PCYT1A: variants seen among roughly 807,000 people sequenced by gnomAD.
PCYT1A encodes the protein choline-phosphate cytidylyltransferase A.
PCYT1A carries 25 observed loss-of-function variants against 43.7 expected under a neutral mutation model. The ratio of observed to expected loss-of-function variants is 0.57; its 90% CI spans 0.42 to 0.80. The LOEUF (loss-of-function observed/expected upper bound fraction) is 0.80. Among genes scored for constraint, PCYT1A ranks in the 30% least tolerant of loss-of-function variants. The pLI is 0.00. For missense variants in PCYT1A, 421 were observed against 474.2 expected (o/e 0.89, Z 1.04); for synonymous variants, 172 against 170.7 (o/e 1.01, Z -0.06).
At position 196,241,158 on chromosome 3, in the gene PCYT1A, A is replaced by AC. The variant is rs1375573243; in HGVS notation, c.708+789_708+790insG. Among the ~76,000 whole-genome samples, 358 of 119,152 alleles carry AC rather than the reference A, an allele frequency of 3.0e-3. 16 individuals carry two copies. Among genetic ancestry groups the AC allele is most frequent in the African/African-American group, 0.011 (341 of 32,364 alleles). The allele number at this position is 119,152 out of a possible 152,430, so 78.2% of individuals were successfully genotyped here. A position where few individuals can be genotyped will look rare whatever the true frequency, so the allele number is the denominator to read the frequency against. Reference sequence around the variant, plus strand: ...AAAAAAAAAAAAAAAAAAAAAAAAAAAAAAATTAGCCAGGCCTGGTGGCAC... The same window carrying AC: ...AAAAAAAAAAAAAAAAAAAAAAAAAACAAAAATTAGCCAGGCCTGGTGGCAC... On this transcript the variant is annotated intron_variant, in intron 7 of 8. Transcript: ENST00000431016.
intron 2 of PCYT1A, among the ~76,000 whole-genome samples, chr3:196,266,951 A>G (rs1001895241): frequency 6.6e-6 from 1 of 151,952 alleles, no homozygotes; most frequent in Non-Finnish European, 1.5e-5. Context: ...CGGGCGGATT[A>G]CCTGAGGTCA....
chr3:196,279,881 C>A, intron 1 of PCYT1A, among the ~76,000 whole-genome samples: 1 of 125,830 alleles, frequency 7.9e-6, no homozygotes, highest in African/African-American at 3.1e-5. Context: ...GTTGCCCAGG[C>A]TGGAGTACAA....
chr3:196,270,577 T>C (rs754797891), intron 1 of PCYT1A, 36 bp from the exon 2 acceptor site: 1 of 1,393,252 alleles, frequency 7.2e-7, no homozygotes, highest in Non-Finnish European at 1.0e-6. Flanking sequence ...ATTTTCTCAT[T>C]GGGGTGGGAA....
intron 5 of PCYT1A, chr3:196,243,099 G>A (rs1011488247): frequency 4.9e-5 from 8 of 163,964 alleles, no homozygotes; most frequent in Middle Eastern, 3.1e-3. Flanking sequence ...AGGCCAAGGC[G>A]GGCAGATCAC....
rs546706631 is a variant in PCYT1A at position 196,252,065 on chromosome 3, CGCCCCGCT to C, written c.218-3750_218-3743del. ...GCTGGGACTACAGCGCACACCACCA[CGCCCCGCT>C]GACTACAGCGCACCCCGCCACGCCC... On this transcript the variant is annotated intron_variant, in intron 3 of 8. Coordinates refer to ENST00000431016, the MANE Select transcript of PCYT1A (RefSeq NM_001312673.2). This position sits in a 1 kb window ranked among gnomAD's most constrained non-coding sequence, Gnocchi z 4.0. Among the ~76,000 whole-genome samples the C allele has an allele frequency of 4.3e-3, 652 of 151,528 alleles. 14 individuals are homozygous for C. The South Asian group carries it at 0.069, about 16-fold the overall frequency.
At chr3:196,265,208 C>T (rs566352631) in intron 2 of PCYT1A, among the ~76,000 whole-genome samples, 13 of 151,972 alleles carry the variant, frequency 8.6e-5, no homozygotes, top group Admixed American at 4.6e-4. Flanking sequence ...GGATTACAGG[C>T]GCACATCACC....
At position 196,271,365 on chromosome 3, in the gene PCYT1A, CAG is replaced by C. The variant is rs1725426445; in HGVS notation, c.-10-826_-10-825del. ...CTATAGATTTCAGTGACCACTTCAC[CAG>C]AGTTACTTGCATGAAAATTGTGGAG... On this transcript the variant is annotated intron_variant, in intron 1 of 8. Coordinates refer to ENST00000431016, the MANE Select transcript of PCYT1A (RefSeq NM_001312673.2). Among the ~76,000 whole-genome samples the C allele has an allele frequency of 6.6e-5, 10 of 152,286 alleles. No homozygotes were observed. In the South Asian group the frequency reaches 1.9e-3, roughly 28 times the overall value.
rs776718756 is a variant in PCYT1A, at chr3:196,247,618, A to T, written c.335-100T>A. On this transcript the variant is annotated intron_variant, in intron 4 of 8. Coordinates refer to ENST00000431016, the MANE Select transcript of PCYT1A (RefSeq NM_001312673.2). This position sits in a 1 kb window ranked among gnomAD's most constrained non-coding sequence, Gnocchi z 4.8. ...TCTTCTCCCACTGCTTAGGACTGCA[A>T]CCATCTTCCCCAACTGGAAAAAAGT... The T allele has an allele frequency of 8.6e-7, 1 of 1,167,498 alleles. No individual in the cohort carries two copies. The highest frequency in any genetic ancestry group is 1.9e-4 in the Middle Eastern group (1 of 5,234). The allele number at this position is 1,167,498 out of a possible 1,614,324, so 72.3% of individuals were successfully genotyped here.
At chr3:196,267,288 G>A (rs534628483) in intron 2 of PCYT1A, 3 of 456,324 alleles carry the variant, frequency 6.6e-6, no homozygotes. Context: ...ACCGTATGAT[G>A]TCATTTGTAT....
At chr3:196,272,616 G>A (rs1342460985) in intron 1 of PCYT1A, among the ~76,000 whole-genome samples, 1 of 152,040 alleles carries the variant, frequency 6.6e-6, no homozygotes, top group Non-Finnish European at 1.5e-5. Context: ...ACTGCACCTG[G>A]CCCTTCCCCT....
chr3:196,269,337 C>T (rs1228981114), intron 2 of PCYT1A, among the ~76,000 whole-genome samples: 5 of 152,124 alleles, frequency 3.3e-5, no homozygotes, highest in African/African-American at 1.2e-4. Context: ...ATAGATTTTT[C>T]CCTTTGGGCT....
At chr3:196,281,093 G>C (rs775860353) in intron 1 of PCYT1A, among the ~76,000 whole-genome samples, 2 of 152,206 alleles carry the variant, frequency 1.3e-5, no homozygotes, top group Admixed American at 1.3e-4. Flanking sequence ...CCAATGCCCA[G>C]TATTTTTCTA....
chr3:196,265,013 G>T (rs531275248), intron 2 of PCYT1A, among the ~76,000 whole-genome samples: 1 of 151,922 alleles, frequency 6.6e-6, no homozygotes, highest in African/African-American at 2.4e-5. Flanking sequence ...TCATACATAT[G>T]ATATTCTTTG....
intron 1 of PCYT1A, among the ~76,000 whole-genome samples, chr3:196,279,871 G>C (rs1312583099): frequency 9.5e-6 from 1 of 105,104 alleles, no homozygotes; most frequent in Admixed American, 1.5e-4. Context: ...TTTCACTCCT[G>C]TTGCCCAGGC....
Position 196,270,503 on chromosome 3 carries a change from T to C in PCYT1A, c.29A>G (p.Asn10Ser). 1 of 1,614,114 alleles carries C rather than the reference T, an allele frequency of 6.2e-7. No individual in the cohort carries two copies. The highest frequency in any genetic ancestry group is 8.5e-7 in the Non-Finnish European group (1 of 1,179,934). MDAQCSAKVNARKRRKEAPG... is the reference protein window; with the variant it reads MDAQCSAKVSARKRRKEAPG... ...CGCCTCTTTTCTCCTCTTCCTTGCA[T>C]TGACCTTGGCTGAACACTGTGCATC... Residue 10 changes from asparagine to serine, a missense_variant, in exon 2 of 9, where the codon AAT becomes AGT. Around this residue, in one of 3 missense-constraint regions of PCYT1A, gnomAD observed 139 missense variants for 117.7 expected, o/e 1.18. Coordinates refer to ENST00000431016, the MANE Select transcript of PCYT1A (RefSeq NM_001312673.2).
At position 196,250,876 on chromosome 3, in the gene PCYT1A, C is replaced by T. The variant is rs1052878569; in HGVS notation, c.218-2553G>A. Among the ~76,000 whole-genome samples, 6 of 150,946 alleles carry T rather than the reference C, an allele frequency of 4.0e-5. No homozygotes were observed. The East Asian group carries it at 1.2e-3, about 30-fold the overall frequency. ...GATACACCATGCTGAGGTTGAGGAT[C>T]AGATACACTATGCTGAGGCTGAGGA... On this transcript the variant is annotated intron_variant, in intron 3 of 8. Coordinates refer to ENST00000431016, the MANE Select transcript of PCYT1A (RefSeq NM_001312673.2).
At chr3:196,267,095 C>T (rs1725297217) in intron 2 of PCYT1A, among the ~76,000 whole-genome samples, 1 of 149,842 alleles carries the variant, frequency 6.7e-6, no homozygotes, top group African/African-American at 2.5e-5. Flanking sequence ...AGGAGAATCA[C>T]TTGAACCCAG....
At chr3:196,261,391 G>A (rs566885537) in intron 2 of PCYT1A, among the ~76,000 whole-genome samples, 1 of 152,240 alleles carries the variant, frequency 6.6e-6, no homozygotes, top group African/African-American at 2.4e-5. Flanking sequence ...AGGTGTGGTG[G>A]CTCACACCTG....
intron 1 of PCYT1A, among the ~76,000 whole-genome samples, chr3:196,279,789 C>T (rs1467432679): frequency 6.7e-6 from 1 of 149,648 alleles, no homozygotes; most frequent in African/African-American, 2.5e-5. Flanking sequence ...ATGATAGGCT[C>T]CTACAAGTAG....
Sources: gnomAD v4.1 joint callset for allele counts (sites outside exome capture counted in the v4.1 genomes callset) on GRCh38, gnomAD v4.1.1 for gene constraint, gnomAD v4.1.1 regional missense constraint, Gnocchi (gnomAD v3.1) non-coding constraint, MANE v1.5 for transcripts, NCBI Gene and HGNC (gene_info 2026-07-23, HGNC 2026-07-21) for gene names.